Variants in VGLL4 observed in about 807,000 individuals in gnomAD.
VGLL4 encodes transcription cofactor vestigial-like protein 4.
VGLL4 carries 7 observed loss-of-function variants against 21.0 expected under a neutral mutation model. The observed-to-expected ratio is 0.33, with a 90% confidence interval of 0.19 to 0.63. VGLL4 has a LOEUF of 0.63. Ranked by LOEUF, VGLL4 falls within the 20% of genes least tolerant of loss-of-function variation. The pLI, the probability that VGLL4 is intolerant of heterozygous loss-of-function variation, is 0.78. For missense variants in VGLL4, 394 were observed against 425.7 expected, an observed-to-expected ratio of 0.93 and a Z score of 0.66; for synonymous variants, 222 against 173.2, an observed-to-expected ratio of 1.28 and a Z score of -2.21.
At chr3:11,689,556 G>A (rs1035714354) in intron 2 of VGLL4, among the ~76,000 whole-genome samples, 3 of 152,120 alleles carry the variant, frequency 2.0e-5, no homozygotes, top group African/African-American at 7.2e-5. Flanking sequence ...TGAAGATACC[G>A]ACTAACATGT....
intron 2 of VGLL4, among the ~76,000 whole-genome samples, chr3:11,593,163 A>C (rs967573067): frequency 6.6e-6 from 1 of 151,894 alleles, no homozygotes; most frequent in Non-Finnish European, 1.5e-5. Context: ...TGCTTCCTTC[A>C]CTCTCATGGA....
intron 1 of VGLL4, among the ~76,000 whole-genome samples, chr3:11,621,796 T>C (rs1203520161): frequency 6.6e-6 from 1 of 152,230 alleles, no homozygotes; most frequent in Admixed American, 6.5e-5. Context: ...GTATGAGGCA[T>C]TCCAATTTCT....
intron 1 of VGLL4, among the ~76,000 whole-genome samples, chr3:11,613,624 T>C (rs369086842): frequency 6.5e-4 from 99 of 152,240 alleles, no homozygotes; most frequent in African/African-American, 2.2e-3. Context: ...CAGAGAAACA[T>C]AGTAGAAAGT....
rs1020948993 is a variant in VGLL4, at chr3:11,588,175, A to G, written c.272+13658T>C. Among the ~76,000 whole-genome samples the G allele has an allele frequency of 3.3e-5, 5 of 152,192 alleles. No homozygotes were observed. In the South Asian group the frequency reaches 1.0e-3, roughly 31 times the overall value. On this transcript the variant is annotated intron_variant, in intron 2 of 4. Coordinates refer to ENST00000430365, the MANE Select transcript of VGLL4 (RefSeq NM_001128219.3). ...TCCTCGTGGCTCCTTTTTCATTCAC[A>G]CATTTACTCAGCACCTGGTTGGTGT...
chr3:11,586,823 G>A (rs188951492), intron 2 of VGLL4, among the ~76,000 whole-genome samples: 32 of 152,264 alleles, frequency 2.1e-4, no homozygotes, highest in Non-Finnish European at 3.7e-4. Flanking sequence ...GTTGGCACAG[G>A]GATACCAGGA....
At chr3:11,696,329 A>G (rs947275821) in intron 2 of VGLL4, among the ~76,000 whole-genome samples, 3 of 152,218 alleles carry the variant, frequency 2.0e-5, no homozygotes, top group Non-Finnish European at 4.4e-5. Context: ...TTTTAGAGTC[A>G]GTACTCCAGA....
chr3:11,590,986 A>T (rs1559884492), intron 2 of VGLL4, among the ~76,000 whole-genome samples: 3 of 152,180 alleles, frequency 2.0e-5, no homozygotes, highest in African/African-American at 4.8e-5. Context: ...TACATTCAGG[A>T]CAAACTGGTT....
At chr3:11,691,650 A>T (rs2030066) in intron 2 of VGLL4, among the ~76,000 whole-genome samples, 1 of 151,894 alleles carries the variant, frequency 6.6e-6, no homozygotes, top group African/African-American at 2.4e-5. Context: ...ATAGTCTTAC[A>T]GTGGCTGCTA....
At chr3:11,603,305 T>C (rs1002054990) in intron 1 of VGLL4, among the ~76,000 whole-genome samples, 16 of 152,330 alleles carry the variant, frequency 1.1e-4, no homozygotes, top group African/African-American at 3.6e-4. Flanking sequence ...CCAGGATTTC[T>C]TTTAAGGATT....
At chr3:11,681,884 G>A (rs1312317330) in intron 2 of VGLL4, among the ~76,000 whole-genome samples, 9 of 152,314 alleles carry the variant, frequency 5.9e-5, no homozygotes, top group East Asian at 3.9e-4. Context: ...ATAACAGTGC[G>A]AGGGAAACAG....
chr3:11,611,326 T>A (rs191389649), intron 1 of VGLL4, among the ~76,000 whole-genome samples: 2 of 152,202 alleles, frequency 1.3e-5, no homozygotes, highest in Admixed American at 6.5e-5. Context: ...AACAAGAGAT[T>A]AGGGCAAAGA....
At chr3:11,579,438 T>A (rs1423076589) in intron 2 of VGLL4, among the ~76,000 whole-genome samples, 1 of 152,184 alleles carries the variant, frequency 6.6e-6, no homozygotes. Context: ...TAAAATAGTC[T>A]CATTTTCAAA....
intron 2 of VGLL4, among the ~76,000 whole-genome samples, chr3:11,698,124 T>C (rs1369831701): frequency 6.6e-6 from 1 of 152,246 alleles, no homozygotes; most frequent in African/African-American, 2.4e-5. Flanking sequence ...TGGAATATCA[T>C]GTTAAAGACA....
chr3:11,633,212 A>C (rs1053755545), intron 1 of VGLL4: 1 of 152,242 alleles, frequency 6.6e-6, no homozygotes, highest in African/African-American at 2.4e-5. Context: ...TAAGGAGACA[A>C]CACTTGCCTG....
intron 1 of VGLL4, among the ~76,000 whole-genome samples, chr3:11,641,016 C>G (rs956084819): frequency 2.7e-5 from 4 of 149,962 alleles, no homozygotes; most frequent in African/African-American, 9.8e-5. Context: ...ACTCAGGAGG[C>G]TGTGGCAGGA....
rs1442961711 is a variant in VGLL4 at position 11,653,939 on chromosome 3, G to A, written c.64+49032C>T. Among the ~76,000 whole-genome samples, 2 of 152,144 alleles carry A rather than the reference G, an allele frequency of 1.3e-5. No individual in the cohort carries two copies. The highest frequency in any genetic ancestry group is 4.8e-5 in the African/African-American group (2 of 41,448). ...AGACAACACAGAGGGAAGGGCCCCG[G>A]CCAGAGGCTCTCAACCAAGGAGATT... On this transcript the variant is annotated intron_variant, in intron 2 of 5. Transcript: ENST00000273038. This position sits in a 1 kb window ranked among gnomAD's most constrained non-coding sequence, Gnocchi z 4.2.
chr3:11,604,095 G>A (rs549966423), intron 1 of VGLL4, among the ~76,000 whole-genome samples: 1 of 152,162 alleles, frequency 6.6e-6, no homozygotes, highest in South Asian at 2.1e-4. Context: ...TCTAACCCAC[G>A]GGTGGGGGTG....
Position 11,693,636 on chromosome 3 carries a change from C to T in VGLL4, c.64+9335G>A, listed in dbSNP as rs372241364. On this transcript the variant is annotated intron_variant, in intron 2 of 5. Coordinates refer to the VGLL4 transcript ENST00000273038. ...TTCCTTCAGTTAGCTGAGGTACTTA[C>T]TGGGAAAGAAAACTCCATACATATG... 1.8e-4 allele frequency among the ~76,000 whole-genome samples: 27 copies of T among 152,234 alleles called. No homozygotes were observed. In the Middle Eastern group the frequency reaches 0.01, roughly 58 times the overall value.
At position 11,719,477 on chromosome 3, in the gene VGLL4, G is replaced by C. The variant is rs1251323693; in HGVS notation, c.-14+917C>G. ...GCCTGGCCCTGCGGGGGACCCAGGG[G>C]CGGGGACGGGACCTGGGCACGCGGG... is the stretch of plus-strand genomic sequence containing the variant. On this transcript the variant is annotated intron_variant, in intron 1 of 5. Coordinates refer to the VGLL4 transcript ENST00000273038. The surrounding 1 kb of genome is among the most constrained non-coding windows in gnomAD (Gnocchi z 4.0). The C allele has an allele frequency of 1.3e-5, 2 of 151,322 alleles. No individual in the cohort carries two copies. The highest frequency in any genetic ancestry group is 1.5e-5 in the Non-Finnish European group (1 of 67,766). The allele number at this position is 151,322 out of a possible 1,614,324, so 9.4% of individuals were successfully genotyped here. A position where few individuals can be genotyped will look rare whatever the true frequency, so the allele number is the denominator to read the frequency against.
Sources: gnomAD v4.1 joint callset for allele counts (sites outside exome capture counted in the v4.1 genomes callset) on GRCh38, gnomAD v4.1.1 for gene constraint, Gnocchi (gnomAD v3.1) non-coding constraint, MANE v1.5 for transcripts, NCBI Gene and HGNC (gene_info 2026-07-23, HGNC 2026-07-21) for gene names.